The following MFSD8 variants were observed in gnomAD, a reference collection of about 807,000 sequenced individuals.
MFSD8 encodes major facilitator superfamily domain-containing protein 8.
MFSD8 carries 55 observed loss-of-function variants against 66.4 expected under a neutral mutation model. That is an observed-to-expected ratio of 0.83 (90% confidence interval 0.67 to 1.04). MFSD8 has a LOEUF of 1.04. Among genes scored for constraint, MFSD8 ranks in the 50% least tolerant of loss-of-function variants. The pLI is 0.00. For missense variants in MFSD8, 550 were observed against 627.6 expected, an observed-to-expected ratio of 0.88 and a Z score of 1.32; for synonymous variants, 202 against 212.8, an observed-to-expected ratio of 0.95 and a Z score of 0.44.
chr4:127,941,494 C>T (rs141780294), intron 5 of MFSD8, among the ~76,000 whole-genome samples: 132 of 152,194 alleles, frequency 8.7e-4, no homozygotes, highest in African/African-American at 2.9e-3. Context: ...CAGAGTCTCG[C>T]GCTTGTTGCC....
chr4:127,939,778 T>A, intron 6 of MFSD8, 75 bp downstream of exon 6: 1 of 1,500,252 alleles, frequency 6.7e-7, no homozygotes, highest in African/African-American at 1.4e-5. Flanking sequence ...ATAAGGATAA[T>A]TATCTTCCAA....
chr4:127,941,565 G>A (rs1247950826), intron 5 of MFSD8, among the ~76,000 whole-genome samples: 1 of 152,036 alleles, frequency 6.6e-6, no homozygotes, highest in African/African-American at 2.4e-5. Flanking sequence ...GAGTTCAAGC[G>A]ATTCCCCTGC....
chr4:127,936,767 G>A (rs1739152822), intron 7 of MFSD8, among the ~76,000 whole-genome samples: 2 of 152,124 alleles, frequency 1.3e-5, no homozygotes, highest in South Asian at 4.1e-4. Context: ...ACCCTATTAA[G>A]TATCACCCTA....
At chr4:127,961,382 T>C (rs145036850) in intron 1 of MFSD8, among the ~76,000 whole-genome samples, 2 of 152,290 alleles carry the variant, frequency 1.3e-5, no homozygotes, top group East Asian at 3.9e-4. Flanking sequence ...ATCAATCACT[T>C]TGATGAAATC....
At chr4:127,939,604 CAAAAAAAAAAAAAAAAA>C (rs10553488) in intron 6 of MFSD8, 2 of 81,114 alleles carry the variant, frequency 2.5e-5, no homozygotes, top group Non-Finnish European at 4.1e-5. Flanking sequence ...GATCTTGTCT[CAAAAAAAAAAAAAAAAA>C]AAAAAAAAAA....
Position 127,920,362 on chromosome 4 carries a change from CATT to C in MFSD8, c.*265_*267del, listed in dbSNP as rs1736177374. 2.2e-6 allele frequency: 1 copy of C among 454,322 alleles called. No individual in the cohort carries two copies. The highest frequency in any genetic ancestry group is 4.1e-6 in the Non-Finnish European group (1 of 246,488). 28.1% of individuals were successfully genotyped at this position (454,322 alleles called of 1,614,324 possible). ...ATTTATTCATCATTGTCCATTCACT[CATT>C]AGTTCATGCAACCACAAAAAGGTAT... On this transcript the variant is annotated 3_prime_UTR_variant, in exon 12 of 12. Coordinates refer to ENST00000641686, the MANE Select transcript of MFSD8 (RefSeq NM_001371596.2).
intron 2 of MFSD8, among the ~76,000 whole-genome samples, chr4:127,951,455 C>T (rs143484306): frequency 0.027 from 4,086 of 152,208 alleles, 161 homozygotes; most frequent in African/African-American, 0.093. Flanking sequence ...TCTCGAACTC[C>T]TGACCTCAGG....
intron 3 of MFSD8, 121 bp downstream of exon 3, chr4:127,949,683 C>A: frequency 1.2e-6 from 1 of 821,136 alleles, no homozygotes. Context: ...GAACTATTAT[C>A]TCATTATTCT....
In MFSD8 at chr4:127,921,888, T is replaced by C. The variant is rs755236045; in HGVS notation, c.1074A>G (p.Gly358=). Reference sequence around the variant, plus strand: ...CCCACTGTATTTTGGGAAATTGATTTCCCCAAGGTAACAAGATAAAGAAGC... The same window carrying C: ...CCCACTGTATTTTGGGAAATTGATTCCCCCAAGGTAACAAGATAAAGAAGC... ...WVGFFILLPW[G]NQFPKIQWED... is the part of the protein sequence containing the mutation. The change falls in exon 10 of 12, where the codon GGA becomes GGG. Residue 358 remains glycine, a synonymous_variant. Coordinates refer to ENST00000641686, the MANE Select transcript of MFSD8 (RefSeq NM_001371596.2). 27 of 1,614,190 alleles carry C rather than the reference T, an allele frequency of 1.7e-5. No homozygotes were observed. In the South Asian group the frequency reaches 2.6e-4, roughly 16 times the overall value.
Position 127,921,928 on chromosome 4 carries a change from A to G in MFSD8, c.1034T>C (p.Ile345Thr). The change falls in exon 10 of 12, where the codon ATC (isoleucine) becomes ACC (threonine). Residue 345 changes from isoleucine to threonine, a missense_variant. Coordinates refer to ENST00000641686, the MANE Select transcript of MFSD8 (RefSeq NM_001371596.2). ...GATAAAGAAGCCAACCCATACAACG[A>G]TGAGTCCTCCCAGTAGAATAGCACG... ...GERAILLGGLIVVWVGFFILL... is the reference protein window; with the variant it reads ...GERAILLGGLTVVWVGFFILL... 2 of 1,614,196 alleles carry G rather than the reference A, an allele frequency of 1.2e-6. No homozygotes were observed.
At chr4:127,925,747 C>T (rs552022473) in intron 9 of MFSD8, among the ~76,000 whole-genome samples, 2 of 152,206 alleles carry the variant, frequency 1.3e-5, no homozygotes, top group East Asian at 3.9e-4. Context: ...GGGTATATAC[C>T]CAAAGGATTA....
chr4:127,934,516 C>T (rs987002677), intron 7 of MFSD8: 2 of 151,724 alleles, frequency 1.3e-5, no homozygotes, highest in African/African-American at 2.4e-5. Flanking sequence ...GTAATTTATC[C>T]ACTTATTCAG....
intron 2 of MFSD8, among the ~76,000 whole-genome samples, chr4:127,951,178 A>G (rs1203167524): frequency 2.6e-5 from 4 of 152,224 alleles, no homozygotes; most frequent in African/African-American, 4.8e-5. Flanking sequence ...ATATAATCAC[A>G]ATGGGTTTTA....
At chr4:127,942,797 T>C (rs562665857) in intron 4 of MFSD8, among the ~76,000 whole-genome samples, 1 of 152,274 alleles carries the variant, frequency 6.6e-6, no homozygotes, top group African/African-American at 2.4e-5. Flanking sequence ...TGCATAGACA[T>C]GTAATATAAG....
chr4:127,953,837 A>C (rs1442949644), intron 2 of MFSD8, among the ~76,000 whole-genome samples: 1 of 152,162 alleles, frequency 6.6e-6, no homozygotes, highest in African/African-American at 2.4e-5. Flanking sequence ...TATTATAAAG[A>C]ATTGTTGAAA....
intron 8 of MFSD8, 82 bp downstream of exon 8, chr4:127,932,903 A>T: frequency 7.9e-7 from 1 of 1,270,890 alleles, no homozygotes; most frequent in Non-Finnish European, 1.1e-6. Flanking sequence ...TTTCAATAAC[A>T]TCTATATGCC....
At chr4:127,925,943 C>T (rs891448422) in intron 9 of MFSD8, among the ~76,000 whole-genome samples, 1 of 152,078 alleles carries the variant, frequency 6.6e-6, no homozygotes, top group African/African-American at 2.4e-5. Context: ...TTTACAGTAA[C>T]ATGGATGAAG....
At position 127,965,098 on chromosome 4, in the gene MFSD8, C is replaced by T. The variant is rs1053504874; in HGVS notation, c.36G>A (p.Pro12=). Residue 12 remains proline, a synonymous_variant, in exon 1 of 12, where the codon CCG becomes CCA. Coordinates refer to ENST00000641686, the MANE Select transcript of MFSD8 (RefSeq NM_001371596.2). ...AGLRNESEQE[P]LLGDTPGSRE... is the part of the protein sequence containing the mutation. ...TGCTTCCAGGTGTGTCGCCTAAGAG[C>T]GGCTCCTGTTCACTTTCGTTCCGCA... 1.2e-6 allele frequency: 2 copies of T among 1,613,938 alleles called. No individual in the cohort carries two copies. Among genetic ancestry groups the T allele is most frequent in the Non-Finnish European group, 8.5e-7 (1 of 1,180,026 alleles).
intron 2 of MFSD8, among the ~76,000 whole-genome samples, chr4:127,953,134 G>A (rs913970321): frequency 1.3e-5 from 2 of 151,986 alleles, no homozygotes; most frequent in African/African-American, 2.4e-5. Context: ...CTCCATGTTC[G>A]ATCCCAGAGG....
Sources: allele counts gnomAD v4.1 joint callset (sites outside exome capture counted in the v4.1 genomes callset), GRCh38; gene constraint gnomAD v4.1.1; transcripts MANE v1.5; gene names NCBI Gene and HGNC (gene_info 2026-07-23, HGNC 2026-07-21).